UNC13B: variants seen among roughly 807,000 people sequenced by gnomAD.
UNC13B encodes unc-13 homolog B.
UNC13B carries 144 observed loss-of-function variants against 211.0 expected under a neutral mutation model. That is an observed-to-expected ratio of 0.68 (90% CI 0.60 to 0.78). The LOEUF (loss-of-function observed/expected upper bound fraction) is 0.78. Ranked by LOEUF, UNC13B falls within the 30% of genes least tolerant of loss-of-function variation. The pLI, the probability that UNC13B is intolerant of heterozygous loss-of-function variation, is 0.00. For missense variants in UNC13B, 1,777 were observed against 2,002.0 expected (o/e 0.89, Z 2.14); for synonymous variants, 709 against 725.8 (o/e 0.98, Z 0.37).
At chr9:35,229,088 T>C (rs1208560823) in intron 2 of UNC13B, among the ~76,000 whole-genome samples, 1 of 152,192 alleles carries the variant, frequency 6.6e-6, no homozygotes, top group East Asian at 1.9e-4. Context: ...TTATCAACAT[T>C]TGATATGAAA....
At chr9:35,290,891 T>G (rs1332199735) in intron 7 of UNC13B, among the ~76,000 whole-genome samples, 1 of 152,166 alleles carries the variant, frequency 6.6e-6, no homozygotes, top group Non-Finnish European at 1.5e-5. Flanking sequence ...TTTGTAGATT[T>G]GTCTCACATT....
intron 13 of UNC13B, among the ~76,000 whole-genome samples, chr9:35,371,646 T>G (rs1484755200): frequency 2.6e-5 from 4 of 152,198 alleles, no homozygotes; most frequent in African/African-American, 7.2e-5. Context: ...CCTTTCTCAC[T>G]GTTTGCCCAT....
At chr9:35,354,110 G>T (rs769531838) in intron 11 of UNC13B, among the ~76,000 whole-genome samples, 1 of 152,196 alleles carries the variant, frequency 6.6e-6, no homozygotes, top group African/African-American at 2.4e-5. Context: ...AGAGGGAGGA[G>T]CATCTGGAGC....
chr9:35,213,806 A>G (rs181422440), intron 1 of UNC13B, among the ~76,000 whole-genome samples: 243 of 152,318 alleles, frequency 1.6e-3, no homozygotes, highest in African/African-American at 5.5e-3. Flanking sequence ...TCTGAGATTC[A>G]AATTTGTTTA....
intron 1 of UNC13B, among the ~76,000 whole-genome samples, chr9:35,191,531 A>G (rs936483488): frequency 1.3e-5 from 2 of 152,172 alleles, no homozygotes; most frequent in East Asian, 3.8e-4. Flanking sequence ...ATGAGAAACC[A>G]TGGCTTAGGA....
chr9:35,177,910 C>G (rs578234782), intron 1 of UNC13B, among the ~76,000 whole-genome samples: 1 of 152,274 alleles, frequency 6.6e-6, no homozygotes, highest in East Asian at 1.9e-4. Context: ...GTCAAGTTTT[C>G]CATTATGGTG....
At chr9:35,344,298 C>T (rs1832216459) in intron 11 of UNC13B, among the ~76,000 whole-genome samples, 1 of 152,014 alleles carries the variant, frequency 6.6e-6, no homozygotes, top group African/African-American at 2.4e-5. Flanking sequence ...AGTGAGTTCC[C>T]AGATAATTTT....
chr9:35,305,429 A>G lies in UNC13B; in HGVS notation c.6025A>G (p.Ile2009Val), dbSNP rs1587581844. 19 of 398,986 alleles carry G rather than the reference A, an allele frequency of 4.8e-5. No homozygotes were observed. The highest frequency in any genetic ancestry group is 1.8e-4 in the African/African-American group (9 of 48,744). The allele number at this position is 398,986 out of a possible 1,614,324, so 24.7% of individuals were successfully genotyped here. A position where few individuals can be genotyped will look rare whatever the true frequency, so the allele number is the denominator to read the frequency against. Residue 2009 changes from isoleucine (I) to valine (V), a missense_variant, in exon 9 of 40, where the codon ATT becomes GTT. Ile to Val is a conservative substitution (Grantham distance 29). Transcript: ENST00000635942. ...AAATACGTCTGTTTCTTCAATGACT[A>G]TTAAGGATGAGGTCAGGTCAAGTCC... ...TENTSVSSMT[I>V]KDEVRSSPTP...
chr9:35,375,212 C>T lies in UNC13B; in HGVS notation c.9615+11C>T. The T allele has an allele frequency of 6.2e-7, 1 of 1,613,954 alleles. No homozygotes were observed. Among genetic ancestry groups the T allele is most frequent in the Non-Finnish European group, 8.5e-7 (1 of 1,179,838 alleles). On this transcript the variant is annotated intron_variant, in intron 14 of 39. Transcript: ENST00000635942. ...AAGGACGAAGAGCTGGTAAGTGTCC[C>T]AAGTGCTTTCGTAAGTCCACTGGCC...
chr9:35,247,416 A>G (rs1192065808), intron 6 of UNC13B, among the ~76,000 whole-genome samples: 1 of 152,204 alleles, frequency 6.6e-6, no homozygotes, highest in African/African-American at 2.4e-5. Context: ...GAGAGAGGGC[A>G]TCCCTGTCTT....
Position 35,309,222 on chromosome 9 carries a change from AGTGTGTGTGTGTGTGTGT to A in UNC13B, c.9008+835_9008+852del, listed in dbSNP as rs5897599. Among the ~76,000 whole-genome samples, 26 of 145,250 alleles carry A rather than the reference AGTGTGTGTGTGTGTGTGT, an allele frequency of 1.8e-4. 1 individual carries two copies. The highest frequency in any genetic ancestry group is 1.6e-3 in the South Asian group (7 of 4,386). ...TTGTTCAAAGGGGTTGGTCAGGGTC[AGTGTGTGTGTGTGTGTGT>A]GTGTGTGTGTGTGTGTGTGTGTGTA... is the stretch of plus-strand genomic sequence containing the variant. On this transcript the variant is annotated intron_variant, in intron 9 of 39. Coordinates refer to ENST00000635942, the MANE Select transcript of UNC13B (RefSeq NM_001371189.2).
At chr9:35,309,306 C>T (rs1222151643) in intron 9 of UNC13B, among the ~76,000 whole-genome samples, 1 of 151,506 alleles carries the variant, frequency 6.6e-6, no homozygotes. Context: ...TTGAACTACT[C>T]AGAACAGTGA....
At chr9:35,249,332 A>T (rs1185684531) in intron 6 of UNC13B, among the ~76,000 whole-genome samples, 2 of 152,170 alleles carry the variant, frequency 1.3e-5, no homozygotes, top group African/African-American at 4.8e-5. Context: ...GTGTCTTTTA[A>T]TTGGAGCATT....
At chr9:35,297,561 T>TTTTTTTTTTTGTTTTTTTG in intron 8 of UNC13B, among the ~76,000 whole-genome samples, 8 of 128,156 alleles carry the variant, frequency 6.2e-5, no homozygotes, top group African/African-American at 1.8e-4. Flanking sequence ...TTTTTTTTTT[T>TTTTTTTTTTTGTTTTTTTG]TTTTTTGAGA....
In UNC13B at chr9:35,330,944, G is replaced by A. The variant is rs570418580; in HGVS notation, c.9414+16955G>A. On this transcript the variant is annotated intron_variant, in intron 11 of 39. Coordinates refer to ENST00000635942, the MANE Select transcript of UNC13B (RefSeq NM_001371189.2). Reference sequence around the variant, plus strand: ...GAAAAGGGTATCAGATACTGGCTGCGGGCCTTAGCTCCAAATGGTAGGTAT... The same window carrying A: ...GAAAAGGGTATCAGATACTGGCTGCAGGCCTTAGCTCCAAATGGTAGGTAT... Among the ~76,000 whole-genome samples, 10 of 152,242 alleles carry A rather than the reference G, an allele frequency of 6.6e-5. No individual in the cohort carries two copies. In the East Asian group the frequency reaches 9.7e-4, roughly 15 times the overall value.
At chr9:35,389,201 C>G (rs1287899436) in intron 24 of UNC13B, among the ~76,000 whole-genome samples, 1 of 152,134 alleles carries the variant, frequency 6.6e-6, no homozygotes, top group Non-Finnish European at 1.5e-5. Flanking sequence ...AGTGATTTCT[C>G]TTTACCTGAA....
chr9:35,361,123 A>G (rs1833384980), intron 11 of UNC13B: 1 of 152,218 alleles, frequency 6.6e-6, no homozygotes, highest in South Asian at 2.1e-4. Flanking sequence ...TAATGGAGTT[A>G]AGATTGTATT....
chr9:35,167,264 A>G (rs1394017259), intron 1 of UNC13B, among the ~76,000 whole-genome samples: 2 of 151,734 alleles, frequency 1.3e-5, no homozygotes, highest in African/African-American at 4.8e-5. Flanking sequence ...TAGTAGAGAC[A>G]GGGTTTCACC....
chr9:35,252,256 C>T (rs1333606631), intron 6 of UNC13B, among the ~76,000 whole-genome samples: 1 of 152,134 alleles, frequency 6.6e-6, no homozygotes, highest in Non-Finnish European at 1.5e-5. Flanking sequence ...TCCCATCAGC[C>T]TTTCATCTAA....
Sources: gnomAD v4.1 joint callset for allele counts (sites outside exome capture counted in the v4.1 genomes callset) on GRCh38, gnomAD v4.1.1 for gene constraint, MANE v1.5 for transcripts, NCBI Gene and HGNC (gene_info 2026-07-23, HGNC 2026-07-21) for gene names.